MMP16: variants seen among roughly 807,000 people sequenced by gnomAD.
MMP16 encodes the protein matrix metalloproteinase-16.
A neutral mutation model predicts 67.8 loss-of-function variants in MMP16; 12 were observed. That is an observed-to-expected ratio of 0.18 (90% CI 0.11 to 0.29). The LOEUF (loss-of-function observed/expected upper bound fraction) is 0.29. Ranked by LOEUF, MMP16 falls within the 10% of genes least tolerant of loss-of-function variation. The pLI is 1.00. For synonymous variants in MMP16, 249 were observed against 255.9 expected (o/e 0.97, Z 0.26); for missense variants, 475 against 765.7 (o/e 0.62, Z 4.48).
chr8:88,207,106 T>G (rs146636461), intron 1 of MMP16, among the ~76,000 whole-genome samples: 4,914 of 152,262 alleles, frequency 0.032, 147 homozygotes, highest in Non-Finnish European at 0.048. Context: ...ATAAAACATA[T>G]GTGGTAACTC....
chr8:88,303,871 C>T (rs1165361388), intron 1 of MMP16, among the ~76,000 whole-genome samples: 1 of 152,158 alleles, frequency 6.6e-6, no homozygotes, highest in Non-Finnish European at 1.5e-5. Context: ...CACGAAAATA[C>T]TGAAAACTCA....
At chr8:88,099,639 A>G (rs1319015060) in intron 6 of MMP16, among the ~76,000 whole-genome samples, 4 of 151,860 alleles carry the variant, frequency 2.6e-5, no homozygotes, top group Non-Finnish European at 5.9e-5. Context: ...TCTAAAAGCC[A>G]CGTATCCTGA....
At chr8:88,320,832 C>T (rs183747043) in intron 1 of MMP16, among the ~76,000 whole-genome samples, 6 of 152,108 alleles carry the variant, frequency 3.9e-5, no homozygotes, top group East Asian at 1.9e-4. Flanking sequence ...CTTACTCTCT[C>T]GGCTCAGCTT....
intron 6 of MMP16, among the ~76,000 whole-genome samples, chr8:88,104,805 T>C (rs1809208646): frequency 6.6e-6 from 1 of 151,306 alleles, no homozygotes; most frequent in Non-Finnish European, 1.5e-5. Context: ...ATCCTGACAC[T>C]ATGTAGGCCT....
chr8:88,265,223 C>CTTTTTTTTTT (rs398008661), intron 1 of MMP16, among the ~76,000 whole-genome samples: 2,773 of 100,564 alleles, frequency 0.028, 258 homozygotes, highest in African/African-American at 0.055. Context: ...TGACCATTTC[C>CTTTTTTTTTT]TTTTTTTTTT....
chr8:88,086,213 G>A (rs1176293290), intron 6 of MMP16, among the ~76,000 whole-genome samples: 1 of 151,558 alleles, frequency 6.6e-6, no homozygotes, highest in Admixed American at 6.6e-5. Context: ...AATCACTGGG[G>A]GATGGGTATG....
chr8:88,303,986 T>C (rs535637485), intron 1 of MMP16, among the ~76,000 whole-genome samples: 11 of 152,136 alleles, frequency 7.2e-5, no homozygotes, highest in Non-Finnish European at 1.0e-4. Context: ...AAGGTAGGTA[T>C]TAAGAACTTC....
chr8:88,275,815 T>C (rs1361381726), intron 1 of MMP16, among the ~76,000 whole-genome samples: 1 of 151,984 alleles, frequency 6.6e-6, no homozygotes, highest in Non-Finnish European at 1.5e-5. Context: ...TTATAAATAA[T>C]ACCATTGTGA....
chr8:88,232,593 T>G (rs1470614466), intron 1 of MMP16, among the ~76,000 whole-genome samples: 1 of 152,194 alleles, frequency 6.6e-6, no homozygotes. Flanking sequence ...TCCTAGAGTT[T>G]CTAAATAGTT....
At chr8:88,163,600 G>C (rs937181380) in intron 4 of MMP16, among the ~76,000 whole-genome samples, 1 of 151,880 alleles carries the variant, frequency 6.6e-6, no homozygotes, top group Non-Finnish European at 1.5e-5. Context: ...TGGAGTATCC[G>C]TTTAAAATTA....
chr8:88,206,618 T>C (rs1288125444), intron 1 of MMP16, among the ~76,000 whole-genome samples: 1 of 152,230 alleles, frequency 6.6e-6, no homozygotes, highest in Non-Finnish European at 1.5e-5. Context: ...AATAATTGGA[T>C]ACATAATTAT....
chr8:88,034,858 G>A lies in MMP16; in HGVS notation c.*6603C>T, dbSNP rs1808034189. ...TGTAGCGACATACATTCATATAAAA[G>A]GTGGCAAGTACAAGCAGCACCATAT... On this transcript the variant is annotated 3_prime_UTR_variant, in exon 10 of 10. Coordinates refer to ENST00000286614, the MANE Select transcript of MMP16 (RefSeq NM_005941.5). 6.6e-6 allele frequency: 1 copy of A among 151,988 alleles called. No individual in the cohort carries two copies. The highest frequency in any genetic ancestry group is 1.5e-5 in the Non-Finnish European group (1 of 67,904). 9.4% of individuals were successfully genotyped at this position (151,988 alleles called of 1,614,324 possible).
intron 3 of MMP16, among the ~76,000 whole-genome samples, chr8:88,171,260 C>A (rs893660248): frequency 6.6e-6 from 1 of 152,162 alleles, no homozygotes; most frequent in Non-Finnish European, 1.5e-5. Context: ...TTAGTAAATA[C>A]AAGATACCTG....
chr8:88,216,318 A>T (rs947027119), intron 1 of MMP16, among the ~76,000 whole-genome samples: 5 of 152,156 alleles, frequency 3.3e-5, no homozygotes, highest in African/African-American at 1.2e-4. Flanking sequence ...CAAAGTTTTA[A>T]TTTTTCTGAA....
intron 1 of MMP16, among the ~76,000 whole-genome samples, chr8:88,213,444 A>AG (rs1482928864): frequency 1.3e-5 from 2 of 152,198 alleles, no homozygotes; most frequent in African/African-American, 2.4e-5. Context: ...TTCATATATT[A>AG]TAACATTAAC....
intron 4 of MMP16, among the ~76,000 whole-genome samples, chr8:88,124,509 A>G (rs1158914196): frequency 6.6e-6 from 1 of 151,844 alleles, no homozygotes; most frequent in African/African-American, 2.4e-5. Context: ...AAGAAAACGC[A>G]CTTCTCCACT....
At chr8:88,132,114 T>C (rs1261237540) in intron 4 of MMP16, among the ~76,000 whole-genome samples, 1 of 151,902 alleles carries the variant, frequency 6.6e-6, no homozygotes, top group Non-Finnish European at 1.5e-5. Context: ...AAATCTATTT[T>C]AGCTGTGGAG....
intron 6 of MMP16, among the ~76,000 whole-genome samples, chr8:88,114,494 G>A (rs1809395558): frequency 6.6e-6 from 1 of 151,934 alleles, no homozygotes; most frequent in Admixed American, 6.6e-5. Context: ...AATATGAGCT[G>A]TGCAGACAGG....
At chr8:88,253,841 T>C (rs187973692) in intron 1 of MMP16, among the ~76,000 whole-genome samples, 1 of 152,148 alleles carries the variant, frequency 6.6e-6, no homozygotes, top group Admixed American at 6.6e-5. Context: ...AAATTTTTCT[T>C]CTAATTTTTT....
Sources: gnomAD v4.1 joint callset for allele counts (sites outside exome capture counted in the v4.1 genomes callset) on GRCh38, gnomAD v4.1.1 for gene constraint, MANE v1.5 for transcripts, NCBI Gene and HGNC (gene_info 2026-07-23, HGNC 2026-07-21) for gene names.